The following EPHB1 variants were observed in gnomAD, a reference collection of about 807,000 sequenced individuals.
EPHB1 encodes ephrin type-B receptor 1.
EPHB1 carries 30 observed loss-of-function variants against 94.4 expected under a neutral mutation model. The observed-to-expected ratio is 0.32, with a 90% CI of 0.24 to 0.43. The LOEUF (loss-of-function observed/expected upper bound fraction) is 0.43. Ranked by LOEUF, EPHB1 falls within the 20% of genes least tolerant of loss-of-function variation. EPHB1 has a pLI of 1.00. For missense variants in EPHB1, 1,055 were observed against 1,308.3 expected (o/e 0.81, Z 2.99); for synonymous variants, 522 against 489.1 (o/e 1.07, Z -0.89).
intron 1 of EPHB1, among the ~76,000 whole-genome samples, chr3:134,889,764 G>A (rs1298004505): frequency 6.6e-6 from 1 of 151,352 alleles, no homozygotes; most frequent in Admixed American, 6.6e-5. Flanking sequence ...TGCAAGCGCC[G>A]CCTTCCGGGT....
At chr3:135,132,618 C>A in intron 4 of EPHB1, 96 bp from the exon 5 acceptor site, 1 of 1,111,398 alleles carries the variant, frequency 9.0e-7, no homozygotes, top group Non-Finnish European at 1.3e-6. Context: ...GGCGAGCGCA[C>A]TGATGAGGTT....
At chr3:135,174,798 C>T (rs77508719) in intron 9 of EPHB1, among the ~76,000 whole-genome samples, 3,148 of 152,290 alleles carry the variant, frequency 0.021, 47 homozygotes, top group Non-Finnish European at 0.028. Context: ...AAAATGACAT[C>T]GTCTGCCTTG....
At chr3:135,244,787 A>G (rs1943880270) in intron 13 of EPHB1, among the ~76,000 whole-genome samples, 1 of 152,232 alleles carries the variant, frequency 6.6e-6, no homozygotes. Context: ...GAAGAGAATA[A>G]AAATCTCCAA....
At position 134,992,292 on chromosome 3, in the gene EPHB1, T is replaced by TG. The variant is rs142794431; in HGVS notation, c.805+40241dup. ...GGCCTGGAGTCTGTTTTCAGGGCCC[T>TG]GCTCTGTAGGAGTCTCTCATTTCAA... is the stretch of plus-strand genomic sequence containing the variant. On this transcript the variant is annotated intron_variant, in intron 3 of 15. Transcript: ENST00000398015. Among the ~76,000 whole-genome samples the TG allele has an allele frequency of 6.2e-4, 94 of 152,210 alleles. 2 individuals are homozygous for TG. The East Asian group carries it at 0.017, about 28-fold the overall frequency.
intron 3 of EPHB1, among the ~76,000 whole-genome samples, chr3:134,978,560 T>C (rs1403980868): frequency 1.3e-5 from 2 of 152,174 alleles, no homozygotes; most frequent in African/African-American, 2.4e-5. Context: ...ACACACTCTT[T>C]CCTCTTCCTG....
intron 1 of EPHB1, among the ~76,000 whole-genome samples, chr3:134,798,095 G>A (rs1367933739): frequency 6.6e-6 from 1 of 152,190 alleles, no homozygotes; most frequent in South Asian, 2.1e-4. Context: ...TCCCAAACTC[G>A]GCTGTGGTCA....
intron 3 of EPHB1, among the ~76,000 whole-genome samples, chr3:135,057,929 T>A (rs1319796696): frequency 6.6e-6 from 1 of 152,196 alleles, no homozygotes; most frequent in Non-Finnish European, 1.5e-5. Context: ...TTTATTTTTC[T>A]CTCTCAACTG....
chr3:134,805,162 C>A (rs568560273), intron 1 of EPHB1, among the ~76,000 whole-genome samples: 30 of 152,176 alleles, frequency 2.0e-4, no homozygotes, highest in African/African-American at 7.0e-4. Context: ...CACGTGAATT[C>A]TTGGTGCTGA....
intron 3 of EPHB1, among the ~76,000 whole-genome samples, chr3:134,981,423 G>A (rs903977314): frequency 6.6e-6 from 1 of 152,184 alleles, no homozygotes; most frequent in Non-Finnish European, 1.5e-5. Flanking sequence ...GCACTAGAGG[G>A]TCTTGGATTG....
intron 3 of EPHB1, among the ~76,000 whole-genome samples, chr3:135,050,646 A>G (rs563085516): frequency 3.9e-5 from 6 of 152,270 alleles, no homozygotes; most frequent in African/African-American, 1.4e-4. Context: ...TGTTTTCGTC[A>G]TGGGGCTGGA....
At chr3:135,043,259 T>A (rs867632355) in intron 3 of EPHB1, among the ~76,000 whole-genome samples, 26 of 148,668 alleles carry the variant, frequency 1.7e-4, no homozygotes, top group African/African-American at 5.6e-4. Context: ...TATCAAATAA[T>A]AAATAATAAT....
chr3:135,250,695 T>C (rs1257595759), intron 15 of EPHB1, among the ~76,000 whole-genome samples: 3 of 152,068 alleles, frequency 2.0e-5, no homozygotes, highest in African/African-American at 7.2e-5. Context: ...AAATTAACTC[T>C]ACCCTTCAAA....
chr3:134,854,518 GT>G (rs1381494652), intron 1 of EPHB1, among the ~76,000 whole-genome samples: 1 of 152,100 alleles, frequency 6.6e-6, no homozygotes, highest in Non-Finnish European at 1.5e-5. Context: ...ACTCGGTGGT[GT>G]TTACTGTGAG....
intron 1 of EPHB1, among the ~76,000 whole-genome samples, chr3:134,813,942 C>T (rs4955502): frequency 0.64 from 97,029 of 152,090 alleles, 32,497 homozygotes; most frequent in East Asian, 0.81. Context: ...CTGATGCTGA[C>T]GCTGCATCAC....
chr3:134,819,211 C>G (rs186163577), intron 1 of EPHB1, among the ~76,000 whole-genome samples: 34 of 152,316 alleles, frequency 2.2e-4, no homozygotes, highest in Admixed American at 2.0e-3. Flanking sequence ...ACACCTCTGT[C>G]TAATCACTAT....
rs1449079060 is a variant in EPHB1 at position 134,951,516 on chromosome 3, G to A, written c.269G>A (p.Arg90His). Residue 90 changes from arginine to histidine, a missense_variant, in exon 3 of 16, where the codon CGC becomes CAC. Physicochemically the swap from Arg to His is conservative, Grantham distance 29 (BLOSUM62 0). Coordinates refer to ENST00000398015, the MANE Select transcript of EPHB1 (RefSeq NM_004441.5). This position sits in a 1 kb window ranked among gnomAD's most constrained non-coding sequence, Gnocchi z 4.5. The stretch of plus-strand genomic sequence containing the variant: ...GCCCATCGCATCTACACAGAGATGC[G>A]CTTCACTGTGAGAGACTGCAGCAGC... Reference protein sequence around the residue: ...RGAHRIYTEMRFTVRDCSSLP... With the variant: ...RGAHRIYTEMHFTVRDCSSLP... 30 of 1,613,804 alleles carry A rather than the reference G, an allele frequency of 1.9e-5. No homozygotes were observed. Among genetic ancestry groups the A allele is most frequent in the African/African-American group, 4.0e-5 (3 of 75,000 alleles).
intron 1 of EPHB1, among the ~76,000 whole-genome samples, chr3:134,828,730 G>A (rs2036530069): frequency 6.6e-6 from 1 of 152,216 alleles, no homozygotes. Context: ...CTGCAGGCCA[G>A]GGAAGGGGTC....
intron 5 of EPHB1, 117 bp downstream of exon 5, chr3:135,133,166 G>A: frequency 9.6e-7 from 1 of 1,042,680 alleles, no homozygotes; most frequent in South Asian, 1.7e-5. Context: ...CCTCTGCCCA[G>A]GAGTGAAGGT....
chr3:135,169,380 A>G (rs1167685493), intron 9 of EPHB1, among the ~76,000 whole-genome samples: 1 of 152,018 alleles, frequency 6.6e-6, no homozygotes, highest in African/African-American at 2.4e-5. Flanking sequence ...CCTCTTTTTA[A>G]TTCGGTTTGC....
Sources: allele counts gnomAD v4.1 joint callset (sites outside exome capture counted in the v4.1 genomes callset), GRCh38; gene constraint gnomAD v4.1.1; non-coding constraint Gnocchi (gnomAD v3.1); transcripts MANE v1.5; gene names NCBI Gene and HGNC (gene_info 2026-07-23, HGNC 2026-07-21).